ATRNL1: variants seen among roughly 807,000 people sequenced by gnomAD.
ATRNL1 encodes attractin like 1.
In ATRNL1, 95 loss-of-function variants were observed where a neutral mutation model predicts 182.7. The ratio of observed to expected loss-of-function variants is 0.52; its 90% CI spans 0.44 to 0.62. The LOEUF (loss-of-function observed/expected upper bound fraction) is 0.62. ATRNL1 is among the 20% of genes least tolerant of loss of function. ATRNL1 has a pLI of 0.00. For synonymous variants in ATRNL1, 576 were observed against 568.3 expected (o/e 1.01, Z -0.19); for missense variants, 1,471 against 1,679.5 (o/e 0.88, Z 2.17).
chr10:115,101,995 G>C (rs1446722461), intron 1 of ATRNL1, among the ~76,000 whole-genome samples: 1 of 152,120 alleles, frequency 6.6e-6, no homozygotes, highest in African/African-American at 2.4e-5. Context: ...TTGATGGGTG[G>C]AGTGTTGTAT....
chr10:115,654,779 C>G (rs1332676350), intron 26 of ATRNL1, among the ~76,000 whole-genome samples: 1 of 152,098 alleles, frequency 6.6e-6, no homozygotes, highest in Non-Finnish European at 1.5e-5. Context: ...AATTCTTTGA[C>G]ATTACTCACA....
intron 28 of ATRNL1, among the ~76,000 whole-genome samples, chr10:115,871,397 T>C (rs1951576475): frequency 6.7e-6 from 1 of 150,070 alleles, no homozygotes. Flanking sequence ...TAAATCTCAC[T>C]GATAGGTTGA....
chr10:115,172,864 G>A (rs373852107), intron 8 of ATRNL1, among the ~76,000 whole-genome samples: 2 of 149,370 alleles, frequency 1.3e-5, no homozygotes, highest in South Asian at 4.2e-4. Context: ...TATGATATCC[G>A]GTACTTACTC....
chr10:115,498,317 C>G (rs1554979036), intron 24 of ATRNL1, among the ~76,000 whole-genome samples: 1 of 151,986 alleles, frequency 6.6e-6, no homozygotes, highest in Admixed American at 6.6e-5. Context: ...CTATATATGG[C>G]ATTACATGAT....
chr10:115,570,948 G>A (rs144706905), intron 26 of ATRNL1, among the ~76,000 whole-genome samples: 5 of 152,258 alleles, frequency 3.3e-5, no homozygotes, highest in South Asian at 2.1e-4. Flanking sequence ...CAAGCATAGG[G>A]TTTATTCATA....
In ATRNL1 at chr10:115,802,021, A is replaced by AACACACACACACACACACACACACACAC. The variant is rs60513803; in HGVS notation, c.3904-45831_3904-45830insCACACACACACACACACACACACACACA. Among the ~76,000 whole-genome samples, 830 of 125,956 alleles carry AACACACACACACACACACACACACACAC rather than the reference A, an allele frequency of 6.6e-3. 13 individuals carry two copies. Among genetic ancestry groups the AACACACACACACACACACACACACACAC allele is most frequent in the Non-Finnish European group, 9.1e-3 (553 of 60,848 alleles). The allele number at this position is 125,956 out of a possible 152,430, so 82.6% of individuals were successfully genotyped here. A position where few individuals can be genotyped will look rare whatever the true frequency, so the allele number is the denominator to read the frequency against. ...AAAAACTTGCCTTAAAAAAAAAAGA[A>AACACACACACACACACACACACACACAC]ACACACACACACACACACACACACA... On this transcript the variant is annotated intron_variant, in intron 27 of 28. Coordinates refer to ENST00000355044, the MANE Select transcript of ATRNL1 (RefSeq NM_207303.4).
At chr10:115,597,633 G>GCA (rs1856334120) in intron 26 of ATRNL1, 1 of 440,368 alleles carries the variant, frequency 2.3e-6, no homozygotes, top group South Asian at 1.6e-5. Flanking sequence ...CGTGCAGTGT[G>GCA]GGGATCTCAG....
At chr10:115,187,172 TA>T (rs56251275) in intron 8 of ATRNL1, among the ~76,000 whole-genome samples, 2,397 of 147,822 alleles carry the variant, frequency 0.016, 68 homozygotes, top group African/African-American at 0.06. Context: ...TTTCTGGGAA[TA>T]ATTTTTTTTT....
chr10:115,424,471 C>T (rs983361399), intron 20 of ATRNL1, among the ~76,000 whole-genome samples: 2 of 152,154 alleles, frequency 1.3e-5, no homozygotes, highest in South Asian at 2.1e-4. Flanking sequence ...TTTGAAGATA[C>T]ATCTGTACTC....
chr10:115,734,978 A>G (rs1204829325), intron 27 of ATRNL1, among the ~76,000 whole-genome samples: 4 of 152,154 alleles, frequency 2.6e-5, no homozygotes, highest in Non-Finnish European at 5.9e-5. Context: ...TTTAAGAACA[A>G]TTTAAATCTT....
chr10:115,584,648 T>G (rs1390046389), intron 26 of ATRNL1, among the ~76,000 whole-genome samples: 3 of 151,172 alleles, frequency 2.0e-5, no homozygotes, highest in African/African-American at 7.3e-5. Context: ...CTTTTTTTCT[T>G]TATTAGTCTT....
At chr10:115,255,222 T>G (rs966534318) in intron 10 of ATRNL1, among the ~76,000 whole-genome samples, 11 of 152,148 alleles carry the variant, frequency 7.2e-5, no homozygotes, top group Non-Finnish European at 1.5e-4. Context: ...AAATTACCTT[T>G]GGCAGTATGG....
At chr10:115,450,664 A>C (rs1554967456) in intron 21 of ATRNL1, among the ~76,000 whole-genome samples, 1 of 152,226 alleles carries the variant, frequency 6.6e-6, no homozygotes, top group Non-Finnish European at 1.5e-5. Flanking sequence ...ACTCATGGAT[A>C]GGAACTGTCA....
At chr10:115,874,708 T>A (rs900250183) in intron 28 of ATRNL1, among the ~76,000 whole-genome samples, 4 of 152,152 alleles carry the variant, frequency 2.6e-5, no homozygotes, top group African/African-American at 4.8e-5. Flanking sequence ...GATAGAAACC[T>A]GGACAGGCAG....
At chr10:115,254,997 C>T (rs1292150014) in intron 10 of ATRNL1, among the ~76,000 whole-genome samples, 5 of 152,066 alleles carry the variant, frequency 3.3e-5, no homozygotes, top group African/African-American at 1.2e-4. Flanking sequence ...TGGTCTATAT[C>T]TCTGTTTTGG....
intron 24 of ATRNL1, among the ~76,000 whole-genome samples, chr10:115,509,831 A>AG (rs1412034817): frequency 2.6e-5 from 4 of 152,030 alleles, no homozygotes; most frequent in African/African-American, 9.7e-5. Flanking sequence ...TAGCTGACAT[A>AG]GGTGATGATT....
At chr10:115,149,339 C>T (rs1390467869) in intron 5 of ATRNL1, among the ~76,000 whole-genome samples, 1 of 151,904 alleles carries the variant, frequency 6.6e-6, no homozygotes, top group Non-Finnish European at 1.5e-5. Flanking sequence ...TTTCAGGCTG[C>T]TTTTTGTTAG....
intron 15 of ATRNL1, among the ~76,000 whole-genome samples, chr10:115,299,265 C>T (rs1301687326): frequency 6.6e-6 from 1 of 151,602 alleles, no homozygotes; most frequent in African/African-American, 2.4e-5. Context: ...AATATAAGAA[C>T]ATTTTAAAAT....
intron 19 of ATRNL1, among the ~76,000 whole-genome samples, chr10:115,338,603 G>C (rs1282384901): frequency 1.3e-5 from 2 of 152,052 alleles, no homozygotes; most frequent in African/African-American, 4.8e-5. Context: ...CATTGTTTCA[G>C]CTTCTTATAT....
Sources: gnomAD v4.1 joint callset for allele counts (sites outside exome capture counted in the v4.1 genomes callset) on GRCh38, gnomAD v4.1.1 for gene constraint, MANE v1.5 for transcripts, NCBI Gene and HGNC (gene_info 2026-07-23, HGNC 2026-07-21) for gene names.